PCDHGA5: variants seen among roughly 807,000 people sequenced by gnomAD.
PCDHGA5 encodes protocadherin gamma subfamily A, 5, also known as protocadherin gamma-A5.
In PCDHGA5, 36 loss-of-function variants were observed where a neutral mutation model predicts 56.7. The observed-to-expected ratio is 0.64, with a 90% CI of 0.49 to 0.84. PCDHGA5 has a LOEUF of 0.84. Among genes scored for constraint, PCDHGA5 ranks in the 40% least tolerant of loss-of-function variants. The pLI is 0.00. For missense variants in PCDHGA5, 1,305 were observed against 1,201.5 expected, an observed-to-expected ratio of 1.09 and a Z score of -1.27; for synonymous variants, 563 against 520.2, an observed-to-expected ratio of 1.08 and a Z score of -1.12.
rs759356451 is a variant in PCDHGA5, at chr5:141,476,397, G to C, written c.2422-18410G>C. On this transcript the variant is annotated intron_variant, in intron 1 of 3. Transcript: ENST00000518069. The surrounding 1 kb of genome is among the most constrained non-coding windows in gnomAD (Gnocchi z 7.6). ...ATGTTTGTGAACGACCGTCTGGATC[G>C]AGAGGAGCTGTGTGGGACACTGCCC... The C allele has an allele frequency of 6.2e-7, 1 of 1,614,142 alleles. No individual in the cohort carries two copies. The highest frequency in any genetic ancestry group is 8.5e-7 in the Non-Finnish European group (1 of 1,180,036).
At position 141,490,118 on chromosome 5, in the gene PCDHGA5, T is replaced by G. The variant is rs1448768968; in HGVS notation, c.2422-4689T>G. The G allele has an allele frequency of 6.2e-7, 1 of 1,614,158 alleles. No individual in the cohort carries two copies. Among genetic ancestry groups the G allele is most frequent in the Non-Finnish European group, 8.5e-7 (1 of 1,180,048 alleles). On this transcript the variant is annotated intron_variant, in intron 1 of 3. Transcript: ENST00000518069. This position sits in a 1 kb window ranked among gnomAD's most constrained non-coding sequence, Gnocchi z 5.4. ...ACATCTGAGGCAGTGCGGAACCTCT[T>G]TGGCCTAGACCCTAGCAGTGGGGCA...
At chr5:141,398,729 A>T in intron 1 of PCDHGA5, 1 of 1,613,820 alleles carries the variant, frequency 6.2e-7, no homozygotes, top group Non-Finnish European at 8.5e-7. Flanking sequence ...AAAACCTTAG[A>T]CCGGGAACAA....
intron 1 of PCDHGA5, chr5:141,372,469 T>C (rs772203261): frequency 6.2e-7 from 1 of 1,614,020 alleles, no homozygotes; most frequent in Non-Finnish European, 8.5e-7. Context: ...CAGTTTCACC[T>C]AGTAGTGGCG....
intron 2 of PCDHGA5, among the ~76,000 whole-genome samples, chr5:141,503,824 C>G (rs1216231770): frequency 1.3e-5 from 2 of 152,058 alleles, no homozygotes; most frequent in South Asian, 4.1e-4. Context: ...TTGGGCAAAA[C>G]CAAAAGCAGG....
At chr5:141,370,796 C>T (rs1460787163) in intron 1 of PCDHGA5, 2 of 1,613,888 alleles carry the variant, frequency 1.2e-6, no homozygotes, top group Non-Finnish European at 1.7e-6. Context: ...CGACCTTTAG[C>T]CAAAATATCA....
Position 141,477,778 on chromosome 5 carries a change from C to T in PCDHGA5, c.2422-17029C>T, listed in dbSNP as rs866423908. On this transcript the variant is annotated intron_variant, in intron 1 of 3. Transcript: ENST00000518069. This position sits in a 1 kb window ranked among gnomAD's most constrained non-coding sequence, Gnocchi z 4.9. ...TCCTAGCCACCAACATCAGCGTGAA[C>T]ATATTTGTCACTGATCGCAATGACA... 2.5e-6 allele frequency: 4 copies of T among 1,614,052 alleles called. No homozygotes were observed. In the African/African-American group the frequency reaches 5.3e-5, roughly 22 times the overall value.
Position 141,367,081 on chromosome 5 carries a change from A to C in PCDHGA5, c.2421+330A>C, listed in dbSNP as rs1480866760. On this transcript the variant is annotated intron_variant, in intron 1 of 3. Transcript: ENST00000518069. ...TTTATTTATTCAAATTGTTAGATAT[A>C]TTGTTCTCTTTTGAGTGTCTGCCTA... 5.9e-5 allele frequency: 16 copies of C among 272,890 alleles called. No individual in the cohort carries two copies. The Admixed American group carries it at 7.0e-4, about 12-fold the overall frequency. 16.9% of individuals were successfully genotyped at this position (272,890 alleles called of 1,614,324 possible).
rs1374094845 is a variant in PCDHGA5, at chr5:141,476,576, T to A, written c.2422-18231T>A. On this transcript the variant is annotated intron_variant, in intron 1 of 3. Coordinates refer to ENST00000518069, the MANE Select transcript of PCDHGA5 (RefSeq NM_018918.3). The surrounding 1 kb of genome is among the most constrained non-coding windows in gnomAD (Gnocchi z 7.6). Reference sequence around the variant, plus strand: ...CGAGGCCGTGGCTCCGGGGACGCGCTTTCCGCTCGAGAGCGCGCACGATCC... The same window carrying A: ...CGAGGCCGTGGCTCCGGGGACGCGCATTCCGCTCGAGAGCGCGCACGATCC... 3 of 1,614,102 alleles carry A rather than the reference T, an allele frequency of 1.9e-6. No individual in the cohort carries two copies. Among genetic ancestry groups the A allele is most frequent in the Middle Eastern group, 1.6e-4 (1 of 6,084 alleles).
chr5:141,476,317 G>C lies in PCDHGA5; in HGVS notation c.2422-18490G>C, dbSNP rs759809060. The C allele has an allele frequency of 1.2e-6, 2 of 1,614,052 alleles. No homozygotes were observed. The highest frequency in any genetic ancestry group is 2.7e-5 in the African/African-American group (2 of 74,922). ...GTAGCCTCTCAGCCCGCAGGTTCCGGGTGGTGTCTGGAGCTAGCCGAAGAT... is the reference window on the plus strand; with the variant it reads ...GTAGCCTCTCAGCCCGCAGGTTCCGCGTGGTGTCTGGAGCTAGCCGAAGAT... On this transcript the variant is annotated intron_variant, in intron 1 of 3. Coordinates refer to ENST00000518069, the MANE Select transcript of PCDHGA5 (RefSeq NM_018918.3). The surrounding 1 kb of genome is among the most constrained non-coding windows in gnomAD (Gnocchi z 7.6).
rs201022238 is a variant in PCDHGA5 at position 141,415,678 on chromosome 5, G to A, written c.2421+48927G>A. 470 of 1,555,406 alleles carry A rather than the reference G, an allele frequency of 3.0e-4. 2 individuals carry two copies. In the African/African-American group the frequency reaches 5.9e-3, roughly 20 times the overall value. ...GATTGGTTTTTACTTTGAAGTTTGC[G>A]GCATGATGGTGGAAAGTGTAAATGC... On this transcript the variant is annotated intron_variant, in intron 1 of 3. Coordinates refer to ENST00000518069, the MANE Select transcript of PCDHGA5 (RefSeq NM_018918.3).
chr5:141,424,365 T>A (rs933291305), intron 1 of PCDHGA5: 7 of 152,246 alleles, frequency 4.6e-5, no homozygotes, highest in African/African-American at 1.7e-4. Context: ...TAGATCACAT[T>A]TTTTCTTAAG....
intron 1 of PCDHGA5, among the ~76,000 whole-genome samples, chr5:141,480,911 G>A (rs2154578422): frequency 6.6e-6 from 1 of 152,218 alleles, no homozygotes; most frequent in East Asian, 1.9e-4. Flanking sequence ...TGGGCATGGT[G>A]GCGCATACCT....
At chr5:141,464,227 T>C (rs539811399) in intron 1 of PCDHGA5, among the ~76,000 whole-genome samples, 58 of 147,282 alleles carry the variant, frequency 3.9e-4, no homozygotes, top group Admixed American at 2.5e-3. Flanking sequence ...ATTGCGCCAC[T>C]GCACTCCAGC....
chr5:141,494,950 A>T, intron 2 of PCDHGA5, 85 bp downstream of exon 2: 2 of 1,607,070 alleles, frequency 1.2e-6, no homozygotes, highest in African/African-American at 2.7e-5. Context: ...AGGGCCCAGC[A>T]TTTGCTACAG....
At position 141,365,276 on chromosome 5, in the gene PCDHGA5, C is replaced by G; in HGVS notation, c.946C>G (p.Leu316Val). 1 of 1,613,968 alleles carries G rather than the reference C, an allele frequency of 6.2e-7. No individual in the cohort carries two copies. The highest frequency in any genetic ancestry group is 8.5e-7 in the Non-Finnish European group (1 of 1,179,886). Residue 316 changes from leucine (L) to valine (V), a missense_variant, in exon 1 of 4, where the codon CTC (leucine) becomes GTC (valine). Leu to Val is a conservative substitution (Grantham distance 32). Transcript: ENST00000518069. The stretch of plus-strand genomic sequence containing the variant: ...GGACTATGAAGAATCCAGATTCTAC[C>G]TCATGGAAGTGGTAGCTCAGGATGG... Reference protein sequence around the residue: ...SLDYEESRFYLMEVVAQDGGA... With the variant: ...SLDYEESRFYVMEVVAQDGGA...
intron 1 of PCDHGA5, chr5:141,422,354 A>G: frequency 6.4e-7 from 1 of 1,557,090 alleles, no homozygotes; most frequent in Non-Finnish European, 8.6e-7. Flanking sequence ...CAAGATCAAG[A>G]TTCTGGAGAA....
intron 1 of PCDHGA5, chr5:141,417,879 A>G (rs2096177010): frequency 7.1e-6 from 11 of 1,559,306 alleles, no homozygotes; most frequent in South Asian, 2.3e-5. Flanking sequence ...AGCTGCGCGC[A>G]GAGGCGCCGG....
chr5:141,412,041 T>G (rs2095531468), intron 1 of PCDHGA5: 1 of 152,108 alleles, frequency 6.6e-6, no homozygotes, highest in Non-Finnish European at 1.5e-5. Context: ...GTGAAAGAAG[T>G]GAACTTCTAT....
intron 1 of PCDHGA5, among the ~76,000 whole-genome samples, chr5:141,382,389 T>A (rs1778164859): frequency 6.6e-6 from 1 of 152,228 alleles, no homozygotes; most frequent in South Asian, 2.1e-4. Flanking sequence ...AATAACTGAT[T>A]TTCCCATGTG....
Sources: gnomAD v4.1 joint callset for allele counts (sites outside exome capture counted in the v4.1 genomes callset) on GRCh38, gnomAD v4.1.1 for gene constraint, Gnocchi (gnomAD v3.1) non-coding constraint, MANE v1.5 for transcripts, NCBI Gene and HGNC (gene_info 2026-07-23, HGNC 2026-07-21) for gene names.